Variants in CARMIL1 observed in about 807,000 individuals in gnomAD.
CARMIL1 encodes F-actin-uncapping protein LRRC16A.
CARMIL1 carries 90 observed loss-of-function variants against 177.1 expected under a neutral mutation model. That is an observed-to-expected ratio of 0.51 (90% CI 0.43 to 0.61). The LOEUF (loss-of-function observed/expected upper bound fraction) is 0.61. Ranked by LOEUF, CARMIL1 falls within the 20% of genes least tolerant of loss-of-function variation. The pLI is 0.00. For missense variants in CARMIL1, 1,380 were observed against 1,667.0 expected (o/e 0.83, Z 3.00); for synonymous variants, 577 against 606.2 (o/e 0.95, Z 0.71).
intron 31 of CARMIL1, among the ~76,000 whole-genome samples, chr6:25,583,149 T>G (rs1049187547): frequency 5.3e-5 from 8 of 152,254 alleles, no homozygotes; most frequent in Non-Finnish European, 7.3e-5. Flanking sequence ...GGAAAGAATC[T>G]GAACAAAGAG....
intron 2 of CARMIL1, among the ~76,000 whole-genome samples, chr6:25,298,549 A>G (rs966346322): frequency 1.3e-5 from 2 of 152,116 alleles, no homozygotes; most frequent in African/African-American, 4.8e-5. Flanking sequence ...TCTGTTTTTC[A>G]TCTTGCTTTC....
intron 31 of CARMIL1, among the ~76,000 whole-genome samples, chr6:25,582,968 C>T (rs369101960): frequency 1.3e-4 from 20 of 152,274 alleles, no homozygotes; most frequent in East Asian, 9.7e-4. Context: ...GGACATGCTG[C>T]CCCAAAATAT....
chr6:25,561,030 A>G (rs1157878276), intron 29 of CARMIL1, among the ~76,000 whole-genome samples: 4 of 152,132 alleles, frequency 2.6e-5, no homozygotes, highest in Non-Finnish European at 4.4e-5. Context: ...TAGTTTTCCT[A>G]TATGCTTCTT....
chr6:25,346,805 T>A (rs1459078652), intron 2 of CARMIL1, among the ~76,000 whole-genome samples: 2 of 152,212 alleles, frequency 1.3e-5, no homozygotes, highest in Non-Finnish European at 2.9e-5. Flanking sequence ...GCTAATTATT[T>A]TATTTCATGT....
intron 21 of CARMIL1, 70 bp from the exon 22 acceptor site, chr6:25,517,277 G>C: frequency 1.7e-6 from 2 of 1,143,816 alleles, no homozygotes; most frequent in South Asian, 1.2e-5. Flanking sequence ...GTCTATAAGA[G>C]GTTTATATTC....
chr6:25,323,288 C>T (rs1343711040), intron 2 of CARMIL1, among the ~76,000 whole-genome samples: 1 of 151,688 alleles, frequency 6.6e-6, no homozygotes, highest in Non-Finnish European at 1.5e-5. Context: ...ACAAGTAAAA[C>T]AATGTGAACT....
chr6:25,282,642 C>G (rs1030623500), intron 1 of CARMIL1, among the ~76,000 whole-genome samples: 2 of 152,150 alleles, frequency 1.3e-5, no homozygotes, highest in Non-Finnish European at 2.9e-5. Flanking sequence ...ATCTAAAACA[C>G]AAACTGAAAC....
chr6:25,281,173 C>T (rs1219503424), intron 1 of CARMIL1, among the ~76,000 whole-genome samples: 3 of 151,670 alleles, frequency 2.0e-5, no homozygotes, highest in South Asian at 2.1e-4. Flanking sequence ...CACACACGCA[C>T]CTCTCATCAT....
At chr6:25,566,522 G>T (rs1475159161) in intron 29 of CARMIL1, among the ~76,000 whole-genome samples, 1 of 152,218 alleles carries the variant, frequency 6.6e-6, no homozygotes, top group Non-Finnish European at 1.5e-5. Flanking sequence ...TTTCTCAGAA[G>T]TTGTCCTTGA....
intron 8 of CARMIL1, among the ~76,000 whole-genome samples, chr6:25,455,226 C>T (rs1562162057): frequency 6.6e-6 from 1 of 152,208 alleles, no homozygotes; most frequent in Non-Finnish European, 1.5e-5. Context: ...CTTCATATTA[C>T]AGCTAGAGAA....
chr6:25,382,874 A>T (rs182173730), intron 2 of CARMIL1, among the ~76,000 whole-genome samples: 2 of 152,194 alleles, frequency 1.3e-5, no homozygotes, highest in Non-Finnish European at 2.9e-5. Context: ...CTCACAAGTG[A>T]TCTGCCTGCC....
chr6:25,497,051 G>A (rs1435451544), intron 16 of CARMIL1, among the ~76,000 whole-genome samples: 3 of 152,208 alleles, frequency 2.0e-5, no homozygotes, highest in African/African-American at 7.2e-5. Context: ...TAAATCAGTA[G>A]TCTCTTCAGC....
rs1331728345 is a variant in CARMIL1 at position 25,558,552 on chromosome 6, C to T, written c.2742+1702C>T. Among the ~76,000 whole-genome samples the T allele has an allele frequency of 6.6e-6, 1 of 152,178 alleles. No homozygotes were observed. Among genetic ancestry groups the T allele is most frequent in the South Asian group, 2.1e-4 (1 of 4,834 alleles). On this transcript the variant is annotated intron_variant, in intron 29 of 36. Coordinates refer to ENST00000329474, the MANE Select transcript of CARMIL1 (RefSeq NM_017640.6). This position sits in a 1 kb window ranked among gnomAD's most constrained non-coding sequence, Gnocchi z 4.1. ...AATTTTAAAAAATGCAGTTGGAAGA[C>T]CACCCTCAGAACTTAAGGGACAGGC... is the stretch of plus-strand genomic sequence containing the variant.
rs537699344 is a variant in CARMIL1, at chr6:25,615,333, C to T, written c.3980-4114C>T. ...CAAAGCATGCTGCATATTTTTATCA[C>T]GAATATTATGTTTTGTGTGGCTACT... On this transcript the variant is annotated intron_variant, in intron 36 of 36. Coordinates refer to ENST00000329474, the MANE Select transcript of CARMIL1 (RefSeq NM_017640.6). 1.8e-4 allele frequency among the ~76,000 whole-genome samples: 28 copies of T among 152,244 alleles called. No homozygotes were observed. The South Asian group carries it at 2.1e-3, about 11-fold the overall frequency.
At chr6:25,588,994 C>A (rs967631826) in intron 31 of CARMIL1, among the ~76,000 whole-genome samples, 4 of 152,124 alleles carry the variant, frequency 2.6e-5, no homozygotes, top group Non-Finnish European at 4.4e-5. Flanking sequence ...TGAAACAAAC[C>A]AACTCAAATT....
At chr6:25,475,066 G>T (rs1247648620) in intron 11 of CARMIL1, among the ~76,000 whole-genome samples, 2 of 152,214 alleles carry the variant, frequency 1.3e-5, no homozygotes, top group Non-Finnish European at 2.9e-5. Context: ...TGGTGGGAGT[G>T]TAAAATGGTA....
chr6:25,337,315 C>G (rs917561122), intron 2 of CARMIL1, among the ~76,000 whole-genome samples: 17 of 152,124 alleles, frequency 1.1e-4, no homozygotes, highest in African/African-American at 4.1e-4. Flanking sequence ...ATAACATTTC[C>G]TGAGGATTGC....
In CARMIL1 at chr6:25,619,566, G is replaced by A. The variant is rs774052696; in HGVS notation, c.4099G>A (p.Glu1367Lys). 2 of 1,613,690 alleles carry A rather than the reference G, an allele frequency of 1.2e-6. No individual in the cohort carries two copies. The highest frequency in any genetic ancestry group is 1.7e-5 in the Admixed American group (1 of 59,986). The change falls in exon 37 of 37, where the codon GAG (glutamate) becomes AAG (lysine). Residue 1367 changes from glutamate to lysine, a missense_variant. Glu to Lys is a moderately conservative substitution (Grantham distance 56). Transcript: ENST00000329474. ...TGACTCCGGGGAAGAAGCAGAAAAA[G>A]AGTTTATTTTTGTGTAAAGGTCACC... ...SNDSGEEAEK[E>K]FIFV
Position 25,558,486 on chromosome 6 carries a change from GTTTGT to G in CARMIL1, c.2742+1640_2742+1644del, listed in dbSNP as rs928208288. Among the ~76,000 whole-genome samples, 5 of 152,118 alleles carry G rather than the reference GTTTGT, an allele frequency of 3.3e-5. No individual in the cohort carries two copies. The highest frequency in any genetic ancestry group is 7.4e-5 in the Non-Finnish European group (5 of 67,998). ...TGTGAAAGGAAGAAAAAGGTTGTTT[GTTTGT>G]TTTAAGTGAGTGAGTTGAGGGTGGA... On this transcript the variant is annotated intron_variant, in intron 29 of 36. Coordinates refer to ENST00000329474, the MANE Select transcript of CARMIL1 (RefSeq NM_017640.6). The surrounding 1 kb of genome is among the most constrained non-coding windows in gnomAD (Gnocchi z 4.1).
Sources: allele counts gnomAD v4.1 joint callset (sites outside exome capture counted in the v4.1 genomes callset), GRCh38; gene constraint gnomAD v4.1.1; non-coding constraint Gnocchi (gnomAD v3.1); transcripts MANE v1.5; gene names NCBI Gene and HGNC (gene_info 2026-07-23, HGNC 2026-07-21).